Variants in PMVK observed in about 807,000 individuals in gnomAD.
PMVK encodes the protein testis tissue sperm-binding protein Li 95mP.
PMVK carries 10 observed loss-of-function variants against 19.0 expected under a neutral mutation model. The observed-to-expected ratio is 0.53, with a 90% CI of 0.32 to 0.89. PMVK has a LOEUF of 0.89. Ranked by LOEUF, PMVK falls within the 40% of genes least tolerant of loss-of-function variation. The pLI is 0.03. For missense variants in PMVK, 222 were observed against 251.1 expected, an observed-to-expected ratio of 0.88 and a Z score of 0.78; for synonymous variants, 108 against 101.6, an observed-to-expected ratio of 1.06 and a Z score of -0.38.
Position 154,925,085 on chromosome 1 carries a change from AC to A in PMVK, c.*43del. On this transcript the variant is annotated 3_prime_UTR_variant, in exon 5 of 5. Transcript: ENST00000368467. ...ACCCCCATTTTGCAGAGTCAGCCCC[AC>A]CCCCACCTCAGCAGGCCCCAGCTCA... 6.1e-6 allele frequency: 4 copies of A among 660,636 alleles called. No individual in the cohort carries two copies. Among genetic ancestry groups the A allele is most frequent in the Non-Finnish European group, 8.5e-6 (4 of 469,374 alleles). The allele number at this position is 660,636 out of a possible 1,614,324, so 40.9% of individuals were successfully genotyped here.
At chr1:154,938,825 G>A (rs1272232971), upstream of PMVK, among the ~76,000 whole-genome samples, 1 of 152,090 alleles carries the variant, frequency 6.6e-6, no homozygotes, top group African/African-American at 2.4e-5. Context: ...ACCTGCCTGC[G>A]CTACCCTCCT....
chr1:154,934,287 C>T (rs976106506), intron 1 of PMVK, among the ~76,000 whole-genome samples: 5 of 152,236 alleles, frequency 3.3e-5, no homozygotes, highest in Non-Finnish European at 7.3e-5. Flanking sequence ...GCGTGAGCCA[C>T]TGCGCCCAAC....
At chr1:154,939,722 A>G (rs1654602237), upstream of PMVK, among the ~76,000 whole-genome samples, 1 of 150,176 alleles carries the variant, frequency 6.7e-6, no homozygotes, top group African/African-American at 2.4e-5. Flanking sequence ...AAAAAAAAAA[A>G]GAAAGAAAAG....
upstream of PMVK, among the ~76,000 whole-genome samples, chr1:154,937,147 T>C (rs921683137): frequency 1.3e-5 from 2 of 152,164 alleles, no homozygotes; most frequent in African/African-American, 2.4e-5. Flanking sequence ...TGGAGTGAGA[T>C]CACGTTGGAG....
chr1:154,932,108 G>A (rs1233659048), intron 2 of PMVK, among the ~76,000 whole-genome samples: 4 of 152,186 alleles, frequency 2.6e-5, no homozygotes, highest in Non-Finnish European at 4.4e-5. Context: ...CTGCCAACTC[G>A]AGTGTCGACA....
rs751004238 is a variant in PMVK, at chr1:154,925,257, C to T, written c.451G>A (p.Asp151Asn). Reference sequence around the variant, plus strand: ...TCCAGGCCACATTCTGACTCAGCATCGTCCACCCCTATGAAGGAAGCATGG... The same window carrying T: ...TCCAGGCCACATTCTGACTCAGCATTGTCCACCCCTATGAAGGAAGCATGG... ...RGWVFTPGVD[D>N]AESECGLDNF... Residue 151 changes from aspartate (D) to asparagine (N), a missense_variant, in exon 5 of 5, where the codon GAT becomes AAT. Asp to Asn is a conservative substitution (Grantham distance 23). Coordinates refer to ENST00000368467, the MANE Select transcript of PMVK (RefSeq NM_006556.4). The T allele has an allele frequency of 2.2e-5, 36 of 1,614,016 alleles. No homozygotes were observed. In the South Asian group the frequency reaches 2.3e-4, roughly 10 times the overall value.
chr1:154,929,567 C>T (rs952531878), intron 2 of PMVK, among the ~76,000 whole-genome samples: 4 of 152,166 alleles, frequency 2.6e-5, no homozygotes, highest in Non-Finnish European at 5.9e-5. Flanking sequence ...AAATCCTGCA[C>T]TCCATGTCCT....
At chr1:154,925,408 C>A in intron 4 of PMVK, 143 bp from the exon 5 acceptor site, 1 of 806,068 alleles carries the variant, frequency 1.2e-6, no homozygotes, top group Admixed American at 2.1e-5. Flanking sequence ...CAGAAGGCAC[C>A]TCCCTACCCC....
chr1:154,932,107 C>T (rs144685314), intron 2 of PMVK, among the ~76,000 whole-genome samples: 1 of 152,140 alleles, frequency 6.6e-6, no homozygotes, highest in Admixed American at 6.5e-5. Flanking sequence ...GCTGCCAACT[C>T]GAGTGTCGAC....
At chr1:154,927,448 CAAAAAAAAA>C (rs59872946) in intron 3 of PMVK, among the ~76,000 whole-genome samples, 4,326 of 35,412 alleles carry the variant, frequency 0.12, 101 homozygotes, top group Middle Eastern at 0.22. Flanking sequence ...GACTCTGTCT[CAAAAAAAAA>C]AAAAAAAAAA....
At chr1:154,941,224 C>A (rs1654632535), upstream of PMVK, among the ~76,000 whole-genome samples, 1 of 152,162 alleles carries the variant, frequency 6.6e-6, no homozygotes, top group Non-Finnish European at 1.5e-5. Flanking sequence ...GCCAGAAGAA[C>A]AGGTGAGCGG....
chr1:154,935,497 G>A (rs1654475431), intron 1 of PMVK, among the ~76,000 whole-genome samples: 1 of 152,204 alleles, frequency 6.6e-6, no homozygotes, highest in Non-Finnish European at 1.5e-5. Flanking sequence ...ATTTGGGGAG[G>A]CAGCCAGATA....
chr1:154,936,742 G>A, upstream of PMVK: 1 of 1,439,684 alleles, frequency 6.9e-7, no homozygotes, highest in Non-Finnish European at 9.5e-7. Flanking sequence ...CCCTAAAATC[G>A]GGACACCGCG....
chr1:154,942,633 G>A, the PMVK span, among the ~76,000 whole-genome samples: 1 of 152,220 alleles, frequency 6.6e-6, no homozygotes, highest in Non-Finnish European at 1.5e-5. Context: ...CTCCAGCTCA[G>A]CATATCTACT....
At chr1:154,936,776 G>A (rs1048690698), upstream of PMVK, 15 of 1,196,684 alleles carry the variant, frequency 1.3e-5, no homozygotes, top group Middle Eastern at 2.3e-4. Flanking sequence ...GCCACTAAGC[G>A]GAGCGGCAAC....
At chr1:154,928,253 C>G (rs1654229366) in intron 3 of PMVK, among the ~76,000 whole-genome samples, 1 of 152,186 alleles carries the variant, frequency 6.6e-6, no homozygotes, top group Non-Finnish European at 1.5e-5. Context: ...GGTGGAAGGG[C>G]ATGTGCAAAG....
intron 2 of PMVK, among the ~76,000 whole-genome samples, chr1:154,931,579 G>A (rs1407722415): frequency 6.6e-6 from 1 of 152,170 alleles, no homozygotes; most frequent in Non-Finnish European, 1.5e-5. Flanking sequence ...CCCATGCAGT[G>A]CAGGAACACA....
At chr1:154,932,248 C>G in intron 2 of PMVK, 104 bp downstream of exon 2, 1 of 814,412 alleles carries the variant, frequency 1.2e-6, no homozygotes, top group Non-Finnish European at 2.1e-6. Flanking sequence ...ACCCTGCCAG[C>G]AGTGGTGACG....
At chr1:154,939,299 C>A (rs1404677660), upstream of PMVK, among the ~76,000 whole-genome samples, 2 of 152,150 alleles carry the variant, frequency 1.3e-5, no homozygotes, top group African/African-American at 4.8e-5. Context: ...TCAAATACTC[C>A]CCAAAGTAGC....
Sources: allele counts gnomAD v4.1 joint callset (sites outside exome capture counted in the v4.1 genomes callset), GRCh38; gene constraint gnomAD v4.1.1; transcripts MANE v1.5; gene names NCBI Gene and HGNC (gene_info 2026-07-23, HGNC 2026-07-21).